CHD9: variants seen among roughly 807,000 people sequenced by gnomAD.
CHD9 encodes chromodomain helicase DNA binding protein 9, also known as ATP-dependent chromatin remodeler CHD9.
A neutral mutation model predicts 316.1 loss-of-function variants in CHD9; 77 were observed. That is an observed-to-expected ratio of 0.24 (90% CI 0.20 to 0.29). The LOEUF (loss-of-function observed/expected upper bound fraction) is 0.29. Among genes scored for constraint, CHD9 ranks in the 10% least tolerant of loss-of-function variants. CHD9 has a pLI of 1.00. For missense variants in CHD9, 2,763 were observed against 3,438.1 expected (o/e 0.80, Z 4.91); for synonymous variants, 1,129 against 1,158.3 (o/e 0.97, Z 0.51).
chr16:53,164,646 G>C (rs191675078), intron 2 of CHD9, among the ~76,000 whole-genome samples: 1 of 149,910 alleles, frequency 6.7e-6, no homozygotes, highest in African/African-American at 2.5e-5. Flanking sequence ...TTTTTTTGGA[G>C]GGGGGGGTTT....
chr16:53,270,918 C>A (rs2052192631), intron 22 of CHD9, among the ~76,000 whole-genome samples: 1 of 152,090 alleles, frequency 6.6e-6, no homozygotes, highest in Non-Finnish European at 1.5e-5. Context: ...CTCTTCAGTT[C>A]CATGTAGCCA....
At position 53,170,640 on chromosome 16, in the gene CHD9, G is replaced by T. The variant is rs1009064326; in HGVS notation, c.1452+13099G>T. Among the ~76,000 whole-genome samples, 4 of 149,934 alleles carry T rather than the reference G, an allele frequency of 2.7e-5. No individual in the cohort carries two copies. The East Asian group carries it at 8.0e-4, about 30-fold the overall frequency. On this transcript the variant is annotated intron_variant, in intron 2 of 38. Transcript: ENST00000447540. ...GTGTGTTGGAAGCTTGTGGTTATAT[G>T]AACAAATTCCAGAAATTCTGATTGA...
chr16:53,203,189 G>A (rs2045601673), intron 2 of CHD9, among the ~76,000 whole-genome samples: 1 of 152,028 alleles, frequency 6.6e-6, no homozygotes, highest in Admixed American at 6.6e-5. Flanking sequence ...TTAAAAATAA[G>A]GAGACTAAAA....
intron 1 of CHD9, among the ~76,000 whole-genome samples, chr16:53,149,991 G>A (rs570630215): frequency 8.6e-5 from 13 of 151,870 alleles, no homozygotes; most frequent in Admixed American, 7.2e-4. Flanking sequence ...TTTGTATTTA[G>A]AGGGAACCTC....
chr16:53,080,437 C>G (rs1426431695), intron 1 of CHD9, among the ~76,000 whole-genome samples: 1 of 152,148 alleles, frequency 6.6e-6, no homozygotes. Context: ...CTCTACACCT[C>G]CAAGGGGGAG....
At position 53,261,170 on chromosome 16, in the gene CHD9, C is replaced by T. The variant is rs929970083; in HGVS notation, c.4210-1817C>T. On this transcript the variant is annotated intron_variant, in intron 19 of 38. Transcript: ENST00000447540. ...CTGTCATTTCTGTTTAATAAATATG[C>T]GCAAAATGTACATTTTGAAACACAG... is the stretch of plus-strand genomic sequence containing the variant. Among the ~76,000 whole-genome samples the T allele has an allele frequency of 8.0e-5, 12 of 149,728 alleles. 1 individual carries two copies. Among genetic ancestry groups the T allele is most frequent in the Non-Finnish European group, 1.3e-4 (9 of 67,764 alleles).
At chr16:53,120,850 C>CA (rs998653119) in intron 1 of CHD9, among the ~76,000 whole-genome samples, 4 of 149,632 alleles carry the variant, frequency 2.7e-5, no homozygotes, top group African/African-American at 9.8e-5. Flanking sequence ...ACTAAAAATA[C>CA]AAAAAATTAG....
At chr16:53,161,879 G>A (rs1269202320) in intron 2 of CHD9, among the ~76,000 whole-genome samples, 4 of 152,052 alleles carry the variant, frequency 2.6e-5, no homozygotes, top group Non-Finnish European at 4.4e-5. Context: ...AGCTTCCCAA[G>A]CAGCTTGGCA....
At chr16:53,302,691 T>C (rs2055556855) in intron 30 of CHD9, among the ~76,000 whole-genome samples, 1 of 152,232 alleles carries the variant, frequency 6.6e-6, no homozygotes, top group East Asian at 1.9e-4. Flanking sequence ...CTCATCTATT[T>C]AATCAGTTAT....
At chr16:53,216,035 CT>C (rs1282363461) in intron 3 of CHD9, among the ~76,000 whole-genome samples, 1 of 152,054 alleles carries the variant, frequency 6.6e-6, no homozygotes, top group African/African-American at 2.4e-5. Flanking sequence ...ATAACAGATC[CT>C]TTTAATGTTT....
chr16:53,157,474 G>A lies in CHD9; in HGVS notation c.1385G>A (p.Ser462Asn). 6.2e-7 allele frequency: 1 copy of A among 1,613,944 alleles called. No homozygotes were observed. Among genetic ancestry groups the A allele is most frequent in the Non-Finnish European group, 8.5e-7 (1 of 1,179,834 alleles). Residue 462 changes from serine to asparagine, a missense_variant, in exon 2 of 39, where the codon AGT (serine) becomes AAT (asparagine). Coordinates refer to ENST00000447540, the MANE Select transcript of CHD9 (RefSeq NM_001308319.2). ...AQTQLQSQAR[S>N]WHSSFSNHQH... ...ACTCAGTTGCAAAGTCAGGCTCGGA[G>A]TTGGCATTCATCATTTTCTAATCAT... is the stretch of plus-strand genomic sequence containing the variant.
At chr16:53,194,111 G>A (rs192203930) in intron 2 of CHD9, among the ~76,000 whole-genome samples, 87 of 152,054 alleles carry the variant, frequency 5.7e-4, no homozygotes, top group African/African-American at 1.7e-3. Flanking sequence ...GGCTTATGCC[G>A]TAATCCCAGT....
At chr16:53,267,543 A>G in intron 21 of CHD9, 53 bp downstream of exon 21, 1 of 1,253,672 alleles carries the variant, frequency 8.0e-7, no homozygotes, top group East Asian at 2.4e-5. Context: ...GTAATGTTAC[A>G]GAAAATATAT....
chr16:53,274,121 T>C, intron 23 of CHD9, 92 bp from the exon 24 acceptor site: 1 of 781,440 alleles, frequency 1.3e-6, no homozygotes, highest in Non-Finnish European at 2.2e-6. Context: ...TTAAAATCTG[T>C]ACACAAATTC....
rs2057508221 is a variant in CHD9 at position 53,325,419 on chromosome 16, A to G, written c.*524A>G. ...CACTGCTGATGTTTCCAATTCAGGT[A>G]CAAGTATGTTTTAAAGAAGAAATAA... On this transcript the variant is annotated 3_prime_UTR_variant, in exon 39 of 39. Transcript: ENST00000447540. 6.5e-6 allele frequency: 1 copy of G among 152,674 alleles called. No individual in the cohort carries two copies. Among genetic ancestry groups the G allele is most frequent in the South Asian group, 2.1e-4 (1 of 4,832 alleles). The allele number at this position is 152,674 out of a possible 1,614,324, so 9.5% of individuals were successfully genotyped here.
intron 1 of CHD9, among the ~76,000 whole-genome samples, chr16:53,073,959 G>T (rs2034309911): frequency 6.6e-6 from 1 of 152,156 alleles, no homozygotes; most frequent in Non-Finnish European, 1.5e-5. Context: ...GCAGAGATTG[G>T]AACAGTTTGG....
chr16:53,141,269 T>C (rs1253198325), intron 1 of CHD9, among the ~76,000 whole-genome samples: 2 of 152,344 alleles, frequency 1.3e-5, no homozygotes, highest in East Asian at 3.9e-4. Flanking sequence ...TAGGATTACA[T>C]AGCTGGTAAG....
intron 2 of CHD9, chr16:53,207,972 T>G: frequency 1.1e-6 from 1 of 940,780 alleles, no homozygotes; most frequent in African/African-American, 1.8e-5. Context: ...GTCAGTATTT[T>G]TAACGACATC....
chr16:53,138,655 C>G (rs900444101), intron 1 of CHD9, among the ~76,000 whole-genome samples: 7 of 152,140 alleles, frequency 4.6e-5, no homozygotes, highest in Admixed American at 2.6e-4. Context: ...ATAGATTTGT[C>G]TTTAGCTTTT....
Sources: allele counts gnomAD v4.1 joint callset (sites outside exome capture counted in the v4.1 genomes callset), GRCh38; gene constraint gnomAD v4.1.1; transcripts MANE v1.5; gene names NCBI Gene and HGNC (gene_info 2026-07-23, HGNC 2026-07-21).